The following NAALADL2 variants were observed in gnomAD, a reference collection of about 807,000 sequenced individuals.
The protein encoded by NAALADL2 is N-acetylated alpha-linked acidic dipeptidase like 2, also known as inactive N-acetylated-alpha-linked acidic dipeptidase-like protein 2.
Under a neutral mutation model 87.2 loss-of-function variants are expected in NAALADL2, and 76 were observed. That is an observed-to-expected ratio of 0.87 (90% CI 0.72 to 1.05). NAALADL2 has a LOEUF of 1.05. Among genes scored for constraint, NAALADL2 ranks in the 50% least tolerant of loss-of-function variants. NAALADL2 has a pLI of 0.00. For missense variants in NAALADL2, 1,089 were observed against 945.8 expected, an observed-to-expected ratio of 1.15 and a Z score of -1.99; for synonymous variants, 354 against 331.0, an observed-to-expected ratio of 1.07 and a Z score of -0.75.
At chr3:175,680,146 A>G (rs759154474) in intron 11 of NAALADL2, among the ~76,000 whole-genome samples, 2 of 152,206 alleles carry the variant, frequency 1.3e-5, no homozygotes, top group African/African-American at 4.8e-5. Flanking sequence ...TTTAACCGTA[A>G]TATCCCATTT....
At chr3:175,349,119 G>A (rs972359766) in intron 5 of NAALADL2, among the ~76,000 whole-genome samples, 2 of 150,814 alleles carry the variant, frequency 1.3e-5, no homozygotes, top group South Asian at 2.1e-4. Flanking sequence ...TGAAAACATG[G>A]CCCCCACCAT....
At chr3:175,040,641 A>G (rs1261308935) in intron 1 of NAALADL2, among the ~76,000 whole-genome samples, 1 of 152,084 alleles carries the variant, frequency 6.6e-6, no homozygotes, top group Non-Finnish European at 1.5e-5. Flanking sequence ...TTTTCCATCT[A>G]CGATAGTATA....
chr3:174,530,686 C>T (rs1721161684), intron 1 of NAALADL2, among the ~76,000 whole-genome samples: 2 of 151,636 alleles, frequency 1.3e-5, no homozygotes, highest in South Asian at 4.2e-4. Context: ...GGGAAACTCC[C>T]AATTTTAAAA....
intron 1 of NAALADL2, among the ~76,000 whole-genome samples, chr3:174,908,021 G>GT (rs35051279): frequency 0.11 from 9,218 of 82,232 alleles, 145 homozygotes; most frequent in African/African-American, 0.13. Context: ...AGAGAAGTTG[G>GT]TTTTTTTTTT....
intron 10 of NAALADL2, among the ~76,000 whole-genome samples, chr3:175,584,959 A>T (rs1394145302): frequency 4.6e-5 from 7 of 152,274 alleles, no homozygotes; most frequent in Admixed American, 1.3e-4. Flanking sequence ...AATTTATTTT[A>T]AAAATCTTTC....
chr3:174,519,558 C>G (rs534226818), intron 1 of NAALADL2, among the ~76,000 whole-genome samples: 1 of 151,664 alleles, frequency 6.6e-6, no homozygotes, highest in Non-Finnish European at 1.5e-5. Context: ...CTCGAACTCC[C>G]GACCTCAGGT....
intron 2 of NAALADL2, among the ~76,000 whole-genome samples, chr3:174,685,182 T>C (rs145932031): frequency 1.3e-5 from 2 of 152,238 alleles, no homozygotes; most frequent in East Asian, 3.9e-4. Flanking sequence ...CGTAAGTGCC[T>C]AATAGAAATC....
intron 2 of NAALADL2, among the ~76,000 whole-genome samples, chr3:174,628,854 A>G (rs1193575665): frequency 2.0e-5 from 3 of 152,158 alleles, no homozygotes; most frequent in Non-Finnish European, 2.9e-5. Context: ...GTGTACCCTG[A>G]TCGAGGAACT....
intron 2 of NAALADL2, among the ~76,000 whole-genome samples, chr3:175,133,542 A>C (rs1728572499): frequency 6.6e-6 from 1 of 152,216 alleles, no homozygotes; most frequent in Non-Finnish European, 1.5e-5. Context: ...CAACACAGCG[A>C]AACCCCGTCT....
intron 2 of NAALADL2, among the ~76,000 whole-genome samples, chr3:175,116,262 A>C (rs1221425962): frequency 6.6e-6 from 1 of 151,794 alleles, no homozygotes; most frequent in African/African-American, 2.4e-5. Flanking sequence ...GAAATAAAGG[A>C]TATTCAATTA....
intron 4 of NAALADL2, among the ~76,000 whole-genome samples, chr3:175,319,742 C>T (rs1231084484): frequency 6.6e-6 from 1 of 152,136 alleles, no homozygotes; most frequent in Non-Finnish European, 1.5e-5. Context: ...ATGGCTTGAA[C>T]CTGGGAGGTG....
intron 1 of NAALADL2, among the ~76,000 whole-genome samples, chr3:174,906,743 A>G (rs1733018696): frequency 6.6e-6 from 1 of 152,098 alleles, no homozygotes; most frequent in Non-Finnish European, 1.5e-5. Flanking sequence ...CAGCTATACC[A>G]ACCCCCAATT....
At chr3:175,777,749 T>C (rs1576793091) in intron 13 of NAALADL2, among the ~76,000 whole-genome samples, 3 of 152,150 alleles carry the variant, frequency 2.0e-5, no homozygotes, top group Non-Finnish European at 4.4e-5. Flanking sequence ...TGTGTTAAAT[T>C]AGTACTGTAG....
intron 11 of NAALADL2, among the ~76,000 whole-genome samples, chr3:175,709,366 C>T (rs1320136542): frequency 6.6e-6 from 1 of 151,992 alleles, no homozygotes; most frequent in African/African-American, 2.4e-5. Flanking sequence ...ATGATATTTC[C>T]AGAATACTCC....
intron 1 of NAALADL2, among the ~76,000 whole-genome samples, chr3:174,980,623 G>A (rs7626747): frequency 0.01 from 1,556 of 152,160 alleles, 29 homozygotes; most frequent in African/African-American, 0.031. Context: ...TGTATCATTC[G>A]TCTATTCATA....
chr3:175,449,865 G>A (rs1024930273), intron 6 of NAALADL2, among the ~76,000 whole-genome samples: 3 of 152,142 alleles, frequency 2.0e-5, no homozygotes, highest in African/African-American at 7.2e-5. Flanking sequence ...TATGACATAT[G>A]AAATTGTTCT....
chr3:175,699,552 T>G (rs1345406376), intron 11 of NAALADL2, among the ~76,000 whole-genome samples: 3 of 152,042 alleles, frequency 2.0e-5, no homozygotes, highest in African/African-American at 7.2e-5. Flanking sequence ...CCTCTACCCC[T>G]CAGTTACTTG....
chr3:174,875,193 A>T (rs1728352023), intron 1 of NAALADL2, among the ~76,000 whole-genome samples: 1 of 151,776 alleles, frequency 6.6e-6, no homozygotes, highest in Non-Finnish European at 1.5e-5. Context: ...AATTTAACGA[A>T]CACATTTAGT....
intron 5 of NAALADL2, among the ~76,000 whole-genome samples, chr3:175,436,185 A>AT (rs1188515514): frequency 7.1e-6 from 1 of 141,716 alleles, no homozygotes; most frequent in Non-Finnish European, 1.5e-5. Flanking sequence ...TGAACTCATC[A>AT]TTTTTTATGG....
Sources: allele counts gnomAD v4.1 joint callset (sites outside exome capture counted in the v4.1 genomes callset), GRCh38; gene constraint gnomAD v4.1.1; transcripts MANE v1.5; gene names NCBI Gene and HGNC (gene_info 2026-07-23, HGNC 2026-07-21).